The following FMN2 variants were observed in gnomAD, a reference collection of about 807,000 sequenced individuals.
The protein encoded by FMN2 is formin 2.
In FMN2, 51 loss-of-function variants were observed where a neutral mutation model predicts 142.3. That is an observed-to-expected ratio of 0.36 (90% CI 0.29 to 0.45). The LOEUF (loss-of-function observed/expected upper bound fraction) is 0.45. Ranked by LOEUF, FMN2 falls within the 20% of genes least tolerant of loss-of-function variation. FMN2 has a pLI of 1.00. For synonymous variants in FMN2, 882 were observed against 869.8 expected (o/e 1.01, Z -0.25); for missense variants, 1,936 against 2,122.8 (o/e 0.91, Z 1.73).
intron 6 of FMN2, among the ~76,000 whole-genome samples, chr1:240,241,984 T>C (rs1667925087): frequency 6.6e-6 from 1 of 152,012 alleles, no homozygotes; most frequent in South Asian, 2.1e-4. Flanking sequence ...TAACTGGGAC[T>C]ACAGGTGCCC....
intron 2 of FMN2, chr1:240,170,531 G>A: frequency 6.5e-7 from 1 of 1,541,658 alleles, no homozygotes. Context: ...CAAGGGAAAG[G>A]ATTAGTGCCA....
rs553560815 is a variant in FMN2, at chr1:240,227,013, G to C, written c.4065+15778G>C. 3.9e-5 allele frequency among the ~76,000 whole-genome samples: 6 copies of C among 152,278 alleles called. No individual in the cohort carries two copies. In the South Asian group the frequency reaches 1.2e-3, roughly 32 times the overall value. On this transcript the variant is annotated intron_variant, in intron 6 of 17. Coordinates refer to ENST00000319653, the MANE Select transcript of FMN2 (RefSeq NM_020066.5). ...TTCTAGTCAAGGCAATTAGGCAAGG[G>C]AAAGAAATAAATGGTCTCCTGATTG...
chr1:240,394,911 C>T (rs1345467157), intron 15 of FMN2, among the ~76,000 whole-genome samples: 5 of 152,138 alleles, frequency 3.3e-5, no homozygotes, highest in East Asian at 1.9e-4. Context: ...GAGGTTGCAG[C>T]GAGCTGAGAT....
At chr1:240,219,322 C>T (rs750236375) in intron 6 of FMN2, among the ~76,000 whole-genome samples, 4 of 152,112 alleles carry the variant, frequency 2.6e-5, no homozygotes, top group Admixed American at 6.5e-5. Flanking sequence ...TTACCATGGA[C>T]AGCAACAGGA....
At chr1:240,265,713 A>G (rs1668774180) in intron 7 of FMN2, among the ~76,000 whole-genome samples, 1 of 152,130 alleles carries the variant, frequency 6.6e-6, no homozygotes, top group Non-Finnish European at 1.5e-5. Context: ...ACCTGGGCAA[A>G]TTACTTTATA....
intron 8 of FMN2, among the ~76,000 whole-genome samples, chr1:240,322,111 T>A (rs1173703445): frequency 6.6e-6 from 1 of 152,186 alleles, no homozygotes; most frequent in African/African-American, 2.4e-5. Context: ...CGATTTTATA[T>A]AAAGCTAATA....
chr1:240,347,470 C>T (rs565065587), intron 13 of FMN2, among the ~76,000 whole-genome samples: 1 of 152,290 alleles, frequency 6.6e-6, no homozygotes, highest in Admixed American at 6.5e-5. Flanking sequence ...CACTCATCAA[C>T]GCACATTAGA....
intron 15 of FMN2, among the ~76,000 whole-genome samples, chr1:240,413,119 T>G (rs1464056511): frequency 1.5e-4 from 2 of 13,376 alleles, no homozygotes; most frequent in African/African-American, 5.2e-4. Flanking sequence ...CGAGACTCTG[T>G]CAAAAAAAAA....
Position 240,468,283 on chromosome 1 carries a change from C to T in FMN2, c.5061-4089C>T, listed in dbSNP as rs541711746. Among the ~76,000 whole-genome samples, 7 of 151,704 alleles carry T rather than the reference C, an allele frequency of 4.6e-5. No homozygotes were observed. The South Asian group carries it at 1.5e-3, about 32-fold the overall frequency. On this transcript the variant is annotated intron_variant, in intron 16 of 17. Transcript: ENST00000319653. ...ATGCACACACACATATACATATGCA[C>T]ACACACATATACATATGCACACACA... is the stretch of plus-strand genomic sequence containing the variant.
At chr1:240,218,060 G>A (rs1385387331) in intron 6 of FMN2, among the ~76,000 whole-genome samples, 3 of 151,878 alleles carry the variant, frequency 2.0e-5, no homozygotes, top group Admixed American at 6.6e-5. Context: ...CTAGGTGGGC[G>A]GATCACAAGG....
chr1:240,129,510 T>A (rs1461731551), intron 2 of FMN2, among the ~76,000 whole-genome samples: 1 of 149,014 alleles, frequency 6.7e-6, no homozygotes, highest in African/African-American at 2.5e-5. Context: ...GATGCCTTTT[T>A]TTTTTTTTTT....
intron 1 of FMN2, among the ~76,000 whole-genome samples, chr1:240,113,456 C>T (rs1456666801): frequency 1.4e-5 from 2 of 143,880 alleles, no homozygotes; most frequent in Non-Finnish European, 3.0e-5. Context: ...CCCAGCTACT[C>T]GGGAGGCAGG....
At chr1:240,259,036 T>TA (rs1268271126) in intron 7 of FMN2, among the ~76,000 whole-genome samples, 2 of 152,240 alleles carry the variant, frequency 1.3e-5, no homozygotes, top group South Asian at 2.1e-4. Flanking sequence ...GCCCTGTCAA[T>TA]TGATGAGTAA....
intron 6 of FMN2, among the ~76,000 whole-genome samples, chr1:240,243,446 T>C (rs1405416559): frequency 6.6e-6 from 1 of 152,156 alleles, no homozygotes; most frequent in African/African-American, 2.4e-5. Context: ...AGTTGGCCAA[T>C]GTATGGGTTG....
intron 13 of FMN2, among the ~76,000 whole-genome samples, chr1:240,354,769 A>C (rs1672209373): frequency 6.6e-6 from 1 of 152,226 alleles, no homozygotes; most frequent in South Asian, 2.1e-4. Flanking sequence ...AAAATATATT[A>C]GAAATGCAAT....
intron 2 of FMN2, chr1:240,143,424 A>G: frequency 7.0e-7 from 1 of 1,428,598 alleles, no homozygotes; most frequent in Non-Finnish European, 9.9e-7. Context: ...TCCCCAGAAC[A>G]GCCACTCCCT....
At chr1:240,173,891 A>C (rs770098808) in intron 2 of FMN2, among the ~76,000 whole-genome samples, 39 of 152,162 alleles carry the variant, frequency 2.6e-4, no homozygotes, top group Non-Finnish European at 4.3e-4. Flanking sequence ...GTGAATGATG[A>C]AACTCAGTGA....
At chr1:240,380,487 A>C (rs899177115) in intron 14 of FMN2, among the ~76,000 whole-genome samples, 2 of 152,178 alleles carry the variant, frequency 1.3e-5, no homozygotes, top group Non-Finnish European at 2.9e-5. Flanking sequence ...GGATAATTAA[A>C]TCCTGTTGAA....
At chr1:240,174,766 G>C (rs1287268664) in intron 2 of FMN2, among the ~76,000 whole-genome samples, 1 of 152,058 alleles carries the variant, frequency 6.6e-6, no homozygotes, top group African/African-American at 2.4e-5. Flanking sequence ...GTGCATCTTA[G>C]CTATCCCCAA....
Sources: gnomAD v4.1 joint callset for allele counts (sites outside exome capture counted in the v4.1 genomes callset) on GRCh38, gnomAD v4.1.1 for gene constraint, MANE v1.5 for transcripts, NCBI Gene and HGNC (gene_info 2026-07-23, HGNC 2026-07-21) for gene names.